The following TAS2R1 variants were observed in gnomAD, a reference collection of about 807,000 sequenced individuals.
The protein encoded by TAS2R1 is taste receptor type 2 member 1.
For missense variants in TAS2R1, 370 were observed against 353.4 expected (o/e 1.05, Z -0.38); for synonymous variants, 141 against 134.2 (o/e 1.05, Z -0.35).
the TAS2R1 span, among the ~76,000 whole-genome samples, chr5:9,729,690 T>C: frequency 6.6e-6 from 1 of 152,202 alleles, no homozygotes; most frequent in Non-Finnish European, 1.5e-5. Flanking sequence ...AGCACTTAAA[T>C]AAGGCACAAA....
At chr5:9,651,167 AGCTCCTTTCAGACAGAT>A (rs1740298043) in intron 2 of TAS2R1, among the ~76,000 whole-genome samples, 1 of 152,192 alleles carries the variant, frequency 6.6e-6, no homozygotes, top group Non-Finnish European at 1.5e-5. Flanking sequence ...TTCTGTCATC[AGCTCCTTTCAGACAGAT>A]GCTCTCAAGG....
At chr5:9,875,798 G>A in the TAS2R1 span, among the ~76,000 whole-genome samples, 1 of 152,182 alleles carries the variant, frequency 6.6e-6, no homozygotes, top group African/African-American at 2.4e-5. Context: ...ACAGTGATTG[G>A]CATAAACTGG....
chr5:9,675,742 TTG>T (rs142191735), intron 1 of TAS2R1, among the ~76,000 whole-genome samples: 2 of 151,898 alleles, frequency 1.3e-5, no homozygotes, highest in East Asian at 1.9e-4. Context: ...CAGGTTTTTC[TTG>T]TGTGTGTGTG....
the TAS2R1 span, among the ~76,000 whole-genome samples, chr5:9,717,585 C>T: frequency 2.0e-5 from 3 of 151,918 alleles, no homozygotes; most frequent in South Asian, 6.2e-4. Flanking sequence ...ATACCGCTAC[C>T]AGATGTTAAA....
chr5:9,640,393 C>T (rs542210701), intron 2 of TAS2R1, among the ~76,000 whole-genome samples: 8 of 147,282 alleles, frequency 5.4e-5, no homozygotes, highest in Admixed American at 7.0e-5. Context: ...AGATAGTGAA[C>T]GAATTACCAA....
chr5:9,700,858 C>A (rs565217310), intron 1 of TAS2R1, among the ~76,000 whole-genome samples: 1 of 152,050 alleles, frequency 6.6e-6, no homozygotes, highest in Non-Finnish European at 1.5e-5. Flanking sequence ...GATTTAAGAC[C>A]CATCCTAATA....
At chr5:9,714,228 T>G (rs1163297808), upstream of TAS2R1, 1 of 152,246 alleles carries the variant, frequency 6.6e-6, no homozygotes, top group African/African-American at 2.4e-5. Flanking sequence ...CAGTCTTTAC[T>G]TGGTATTGCA....
chr5:9,676,403 A>C (rs947968519), intron 1 of TAS2R1, among the ~76,000 whole-genome samples: 10 of 152,204 alleles, frequency 6.6e-5, no homozygotes, highest in Non-Finnish European at 1.5e-4. Flanking sequence ...TGAGTGAAAG[A>C]ACACACACAG....
chr5:9,727,295 TA>T, the TAS2R1 span, among the ~76,000 whole-genome samples: 1 of 152,224 alleles, frequency 6.6e-6, no homozygotes, highest in Non-Finnish European at 1.5e-5. Context: ...AGCAGACATT[TA>T]AAAGTGATCA....
At chr5:9,713,426 C>T (rs944623254), upstream of TAS2R1, among the ~76,000 whole-genome samples, 1 of 152,072 alleles carries the variant, frequency 6.6e-6, no homozygotes, top group African/African-American at 2.4e-5. Flanking sequence ...ATTTCAGGCA[C>T]AGCTTTTGCA....
intron 1 of TAS2R1, among the ~76,000 whole-genome samples, chr5:9,704,695 C>A (rs1002136882): frequency 3.9e-5 from 6 of 152,178 alleles, no homozygotes; most frequent in African/African-American, 1.4e-4. Context: ...TAACTTATAA[C>A]AGAATGCAAA....
intron 1 of TAS2R1, among the ~76,000 whole-genome samples, chr5:9,684,096 C>T (rs1741080157): frequency 6.6e-6 from 1 of 152,174 alleles, no homozygotes; most frequent in Non-Finnish European, 1.5e-5. Flanking sequence ...GGTATCTGCA[C>T]TCTCATGTTT....
chr5:9,817,289 A>C, the TAS2R1 span, among the ~76,000 whole-genome samples: 40 of 152,118 alleles, frequency 2.6e-4, no homozygotes, highest in African/African-American at 9.4e-4. Context: ...ATTAGATTTT[A>C]TTTTCTATTT....
At chr5:9,744,786 A>C in the TAS2R1 span, among the ~76,000 whole-genome samples, 1 of 152,166 alleles carries the variant, frequency 6.6e-6, no homozygotes, top group African/African-American at 2.4e-5. Context: ...AACCTAGAAA[A>C]TGTTTATCAT....
the TAS2R1 span, among the ~76,000 whole-genome samples, chr5:9,860,488 A>C: frequency 6.6e-6 from 1 of 152,244 alleles, no homozygotes; most frequent in Non-Finnish European, 1.5e-5. Flanking sequence ...AATAGGAAAT[A>C]ACAAGCTAAA....
chr5:9,869,556 T>C, the TAS2R1 span, among the ~76,000 whole-genome samples: 72 of 152,282 alleles, frequency 4.7e-4, no homozygotes, highest in African/African-American at 1.6e-3. Flanking sequence ...GGTGGAGACA[T>C]AGCCAAACTA....
the TAS2R1 span, among the ~76,000 whole-genome samples, chr5:9,831,523 G>C: frequency 6.6e-6 from 1 of 151,876 alleles, no homozygotes; most frequent in Non-Finnish European, 1.5e-5. Context: ...AGAAAATTCA[G>C]TGAAAGATTA....
At chr5:9,820,069 A>C in the TAS2R1 span, among the ~76,000 whole-genome samples, 47 of 152,124 alleles carry the variant, frequency 3.1e-4, no homozygotes, top group East Asian at 7.9e-3. Context: ...TCCAGAAATC[A>C]CATTTATATC....
the TAS2R1 span, among the ~76,000 whole-genome samples, chr5:9,753,636 G>A: frequency 6.6e-6 from 1 of 152,104 alleles, no homozygotes; most frequent in African/African-American, 2.4e-5. Flanking sequence ...CCTATGTCCT[G>A]AATGGTATTG....
Sources: gnomAD v4.1 joint callset for allele counts (sites outside exome capture counted in the v4.1 genomes callset) on GRCh38, gnomAD v4.1.1 for gene constraint, MANE v1.5 for transcripts, NCBI Gene and HGNC (gene_info 2026-07-23, HGNC 2026-07-21) for gene names.